Variants in DCDC2C observed in about 807,000 individuals in gnomAD.
DCDC2C encodes doublecortin domain-containing protein 2C.
Under a neutral mutation model 45.0 loss-of-function variants are expected in DCDC2C, and 44 were observed. That is an observed-to-expected ratio of 0.98 (90% CI 0.77 to 1.26). DCDC2C has a LOEUF of 1.26. DCDC2C is among the 50% of genes most tolerant of loss of function. The pLI is 0.00. For missense variants in DCDC2C, 447 were observed against 468.9 expected, an observed-to-expected ratio of 0.95 and a Z score of 0.43; for synonymous variants, 187 against 178.8, an observed-to-expected ratio of 1.05 and a Z score of -0.37.
At chr2:3,769,220 G>A in intron 7 of DCDC2C, 91 bp from the exon 8 acceptor site, 2 of 1,287,260 alleles carry the variant, frequency 1.6e-6, no homozygotes, top group Non-Finnish European at 2.2e-6. Flanking sequence ...AGGATGCCCG[G>A]CTTCGTAACT....
chr2:3,748,006 C>T (rs556265581), intron 4 of DCDC2C, among the ~76,000 whole-genome samples: 53 of 152,256 alleles, frequency 3.5e-4, no homozygotes, highest in African/African-American at 9.6e-4. Flanking sequence ...GGGTGGAGAT[C>T]GTCCCCATCA....
In DCDC2C at chr2:3,847,164, A is replaced by G; in HGVS notation, c.1076A>G (p.Glu359Gly). 2 of 1,231,660 alleles carry G rather than the reference A, an allele frequency of 1.6e-6. No individual in the cohort carries two copies. Among genetic ancestry groups the G allele is most frequent in the Non-Finnish European group, 1.0e-6 (1 of 987,926 alleles). The allele number at this position is 1,231,660 out of a possible 1,614,324, so 76.3% of individuals were successfully genotyped here. Residue 359 changes from glutamate (E) to glycine (G), a missense_variant, in exon 11 of 11, where the codon GAG becomes GGG. Transcript: ENST00000399143. ...TTCTATGTCTTCCAGATGGCCCGGG[A>G]GTGGAAACCTGTAGATTAACAAAAC... is the stretch of plus-strand genomic sequence containing the variant. The part of the protein sequence containing the change: ...CEDVERKMAR[E>G]WKPVD
In DCDC2C at chr2:3,770,588, A is replaced by AT. The variant is rs529425590; in HGVS notation, c.954+1181dup. ...GCAAATCCAAACTAACAGTTAAAATATTTTGTATTGCCCACTTAAGAGTTT... is the reference window on the plus strand; with the variant it reads ...GCAAATCCAAACTAACAGTTAAAATATTTTTGTATTGCCCACTTAAGAGTTT... On this transcript the variant is annotated intron_variant, in intron 8 of 10. Coordinates refer to ENST00000399143, the MANE Select transcript of DCDC2C (RefSeq NM_001287444.2). Among the ~76,000 whole-genome samples the AT allele has an allele frequency of 6.6e-5, 10 of 152,324 alleles. No homozygotes were observed. The East Asian group carries it at 1.9e-3, about 29-fold the overall frequency.
At chr2:3,711,274 A>G (rs1435137305) in intron 2 of DCDC2C, among the ~76,000 whole-genome samples, 1 of 152,222 alleles carries the variant, frequency 6.6e-6, no homozygotes, top group East Asian at 1.9e-4. Flanking sequence ...CATTTGGCCC[A>G]GCAATGCCGT....
intron 3 of DCDC2C, among the ~76,000 whole-genome samples, chr2:3,731,802 C>T (rs1002808911): frequency 1.3e-5 from 2 of 152,278 alleles, no homozygotes; most frequent in East Asian, 1.9e-4. Context: ...CATGAACTGT[C>T]GTGTTCTTGA....
intron 3 of DCDC2C, among the ~76,000 whole-genome samples, chr2:3,733,141 A>G (rs1453921365): frequency 6.6e-6 from 1 of 152,192 alleles, no homozygotes; most frequent in Non-Finnish European, 1.5e-5. Context: ...GTGTGGGGAC[A>G]TATTGGGGAC....
chr2:3,769,338 C>T lies in DCDC2C; in HGVS notation c.881C>T (p.Pro294Leu), dbSNP rs1670099207. 5.2e-6 allele frequency: 8 copies of T among 1,550,498 alleles called. No homozygotes were observed. The East Asian group carries it at 2.0e-4, about 38-fold the overall frequency. The change falls in exon 8 of 11, where the codon CCT becomes CTT. Residue 294 changes from proline to leucine, a missense_variant. Transcript: ENST00000399143. ...AEGDVYKAPT[P>L]SKETQGALDV... Reference sequence around the variant, plus strand: ...GGTGACGTGTATAAAGCACCGACTCCTAGCAAGGAAACCCAAGGGGCGCTG... The same window carrying T: ...GGTGACGTGTATAAAGCACCGACTCTTAGCAAGGAAACCCAAGGGGCGCTG...
At chr2:3,807,101 A>C (rs956372300) in intron 10 of DCDC2C, among the ~76,000 whole-genome samples, 3 of 150,942 alleles carry the variant, frequency 2.0e-5, no homozygotes, top group South Asian at 2.1e-4. Flanking sequence ...TTTTAACAGC[A>C]TGAGGATATA....
intron 10 of DCDC2C, among the ~76,000 whole-genome samples, chr2:3,813,063 ATATATTTTT>A (rs1204750771): frequency 2.6e-3 from 44 of 16,794 alleles, no homozygotes; most frequent in African/African-American, 0.01. Flanking sequence ...ATATATATAT[ATATATTTTT>A]TTTTTTTTGC....
At chr2:3,800,832 G>A (rs935010545) in intron 10 of DCDC2C, among the ~76,000 whole-genome samples, 11 of 124,052 alleles carry the variant, frequency 8.9e-5, no homozygotes, top group Middle Eastern at 5.2e-3. Flanking sequence ...CAGTGAGTAC[G>A]GCTGGGAGCA....
intron 6 of DCDC2C, among the ~76,000 whole-genome samples, chr2:3,756,195 A>G (rs1054438006): frequency 6.6e-6 from 1 of 152,186 alleles, no homozygotes; most frequent in Admixed American, 6.5e-5. Flanking sequence ...GCTGGGTCCT[A>G]GAGGGGCTTA....
At chr2:3,765,526 C>T (rs1669987294) in intron 6 of DCDC2C, among the ~76,000 whole-genome samples, 1 of 152,166 alleles carries the variant, frequency 6.6e-6, no homozygotes, top group Non-Finnish European at 1.5e-5. Flanking sequence ...ATCATGAATA[C>T]CACTGTGCTA....
At chr2:3,816,928 T>C (rs1671572475) in intron 10 of DCDC2C, among the ~76,000 whole-genome samples, 1 of 152,196 alleles carries the variant, frequency 6.6e-6, no homozygotes, top group African/African-American at 2.4e-5. Context: ...AATGAGACGT[T>C]CTAAAAGGCG....
At chr2:3,744,819 G>GA (rs1389642550) in intron 4 of DCDC2C, among the ~76,000 whole-genome samples, 14 of 152,202 alleles carry the variant, frequency 9.2e-5, no homozygotes, top group Admixed American at 2.6e-4. Flanking sequence ...CGAGCAGGTG[G>GA]AAGTTAGATG....
In DCDC2C at chr2:3,726,953, G is replaced by A. The variant is rs751264840; in HGVS notation, c.340-50G>A. The stretch of plus-strand genomic sequence containing the variant: ...CTGTGCACACTGTTGAGTTTGATGA[G>A]TGTTGGCTAATTTGAACTGAATTCC... On this transcript the variant is annotated intron_variant, in intron 2 of 10. Coordinates refer to ENST00000399143, the MANE Select transcript of DCDC2C (RefSeq NM_001287444.2). The A allele has an allele frequency of 2.0e-6, 3 of 1,487,022 alleles. No homozygotes were observed. In the South Asian group the frequency reaches 3.6e-5, roughly 18 times the overall value. The allele number at this position is 1,487,022 out of a possible 1,614,324, so 92.1% of individuals were successfully genotyped here.
intron 10 of DCDC2C, among the ~76,000 whole-genome samples, chr2:3,821,385 G>A (rs996053173): frequency 3.9e-5 from 6 of 152,070 alleles, no homozygotes; most frequent in Non-Finnish European, 8.8e-5. Context: ...TTTCCTATGT[G>A]GATGCTTTAC....
chr2:3,791,830 G>A (rs896775045), intron 10 of DCDC2C, among the ~76,000 whole-genome samples: 2 of 152,208 alleles, frequency 1.3e-5, no homozygotes, highest in African/African-American at 4.8e-5. Context: ...GATCCAGGCA[G>A]TACTCTCATG....
chr2:3,726,903 C>G lies in DCDC2C; in HGVS notation c.340-100C>G. 9.3e-6 allele frequency: 10 copies of G among 1,076,782 alleles called. No individual in the cohort carries two copies. The South Asian group carries it at 1.0e-4, about 11-fold the overall frequency. 66.7% of individuals were successfully genotyped at this position (1,076,782 alleles called of 1,614,324 possible). On this transcript the variant is annotated intron_variant, in intron 2 of 10. Coordinates refer to ENST00000399143, the MANE Select transcript of DCDC2C (RefSeq NM_001287444.2). ...TGTTCTATTGACAAAGGGGTTCCCCCCCTTTCTTATGTTTTAGGGCAGTGC... is the reference window on the plus strand; with the variant it reads ...TGTTCTATTGACAAAGGGGTTCCCCGCCTTTCTTATGTTTTAGGGCAGTGC...
At chr2:3,814,929 A>G (rs983600161) in intron 10 of DCDC2C, among the ~76,000 whole-genome samples, 19 of 152,232 alleles carry the variant, frequency 1.2e-4, no homozygotes, top group African/African-American at 4.1e-4. Context: ...GGCTATAGAG[A>G]TGGATACCCT....
Sources: gnomAD v4.1 joint callset for allele counts (sites outside exome capture counted in the v4.1 genomes callset) on GRCh38, gnomAD v4.1.1 for gene constraint, MANE v1.5 for transcripts, NCBI Gene and HGNC (gene_info 2026-07-23, HGNC 2026-07-21) for gene names.